The following GAN variants were observed in gnomAD, a reference collection of about 807,000 sequenced individuals.
The protein encoded by GAN is epididymis secretory sperm binding protein.
Under a neutral mutation model 71.3 loss-of-function variants are expected in GAN, and 48 were observed. That is an observed-to-expected ratio of 0.67 (90% CI 0.53 to 0.86). GAN has a LOEUF of 0.86. GAN is among the 40% of genes least tolerant of loss of function. GAN has a pLI of 0.00. For synonymous variants in GAN, 386 were observed against 276.8 expected (o/e 1.39, Z -3.92); for missense variants, 928 against 770.1 (o/e 1.21, Z -2.43).
rs751149887 is a variant in GAN at position 81,362,563 on chromosome 16, G to A, written c.1038G>A (p.Lys346=). Residue 346 remains lysine (K), a synonymous_variant, in exon 6 of 11, where the codon AAG becomes AAA. Transcript: ENST00000648994. Reference sequence around the variant, plus strand: ...AGCAGACTCTTAGCTCAGGAGAAAAGTATGATCCAGATGCAAATACATGGA... The same window carrying A: ...AGCAGACTCTTAGCTCAGGAGAAAAATATGATCCAGATGCAAATACATGGA... The part of the protein sequence containing the change: ...ENKQTLSSGE[K]YDPDANTWTA... 9.3e-6 allele frequency: 15 copies of A among 1,609,672 alleles called. No individual in the cohort carries two copies. The highest frequency in any genetic ancestry group is 1.1e-5 in the South Asian group (1 of 90,992).
chr16:81,375,925 G>A (rs1597413057), intron 9 of GAN, among the ~76,000 whole-genome samples: 1 of 149,030 alleles, frequency 6.7e-6, no homozygotes, highest in South Asian at 2.1e-4. Flanking sequence ...AGCTGTGATT[G>A]CACCACTGCA....
At chr16:81,326,149 G>T (rs1909378634) in intron 1 of GAN, among the ~76,000 whole-genome samples, 1 of 152,164 alleles carries the variant, frequency 6.6e-6, no homozygotes, top group African/African-American at 2.4e-5. Context: ...TATGGAGTGG[G>T]TGATTTTAAA....
intron 1 of GAN, among the ~76,000 whole-genome samples, chr16:81,340,499 T>C (rs942079288): frequency 6.6e-6 from 1 of 152,152 alleles, no homozygotes; most frequent in African/African-American, 2.4e-5. Flanking sequence ...AAACAGGGTC[T>C]GGAATGGACC....
rs1904309906 is a variant in GAN, at chr16:81,382,368, A to T, written c.*4772A>T. 3.9e-5 allele frequency: 6 copies of T among 152,226 alleles called. No homozygotes were observed. The highest frequency in any genetic ancestry group is 3.9e-4 in the Admixed American group (6 of 15,286). The allele number at this position is 152,226 out of a possible 1,614,324, so 9.4% of individuals were successfully genotyped here. Reference sequence around the variant, plus strand: ...CCCAAACATGTCCTTTGCTAGTTGCACAGGCATAAGCTGAAAGATCTTTGA... The same window carrying T: ...CCCAAACATGTCCTTTGCTAGTTGCTCAGGCATAAGCTGAAAGATCTTTGA... On this transcript the variant is annotated 3_prime_UTR_variant, in exon 11 of 11. Coordinates refer to ENST00000648994, the MANE Select transcript of GAN (RefSeq NM_022041.4).
At chr16:81,317,658 A>G (rs1254061336) in intron 1 of GAN, among the ~76,000 whole-genome samples, 2 of 152,360 alleles carry the variant, frequency 1.3e-5, no homozygotes, top group East Asian at 1.9e-4. Context: ...TGGTTGAACT[A>G]GGATTAGACT....
intron 1 of GAN, among the ~76,000 whole-genome samples, chr16:81,335,300 C>T (rs1435992094): frequency 2.0e-5 from 3 of 152,110 alleles, no homozygotes; most frequent in South Asian, 2.1e-4. Flanking sequence ...CTGAGAAGGT[C>T]GACTGGGGAA....
rs28438989 is a variant in GAN at position 81,336,872 on chromosome 16, C to A, written c.168-14711C>A. On this transcript the variant is annotated intron_variant, in intron 1 of 10. Coordinates refer to ENST00000648994, the MANE Select transcript of GAN (RefSeq NM_022041.4). ...CCCATCCCTACCCATGCACAGCCTC[C>A]CCCATTATCAGTATACCACACGAGG... Among the ~76,000 whole-genome samples the A allele has an allele frequency of 3.5e-3, 532 of 152,206 alleles. 1 individual carries two copies. The highest frequency in any genetic ancestry group is 0.012 in the African/African-American group (505 of 41,524).
chr16:81,336,669 G>A (rs1909773187), intron 1 of GAN, among the ~76,000 whole-genome samples: 1 of 150,956 alleles, frequency 6.6e-6, no homozygotes, highest in Non-Finnish European at 1.5e-5. Flanking sequence ...GTAGAGAGGA[G>A]GTCTCACTCT....
intron 1 of GAN, among the ~76,000 whole-genome samples, chr16:81,347,696 C>T (rs1280456827): frequency 6.6e-6 from 1 of 152,146 alleles, no homozygotes; most frequent in East Asian, 1.9e-4. Flanking sequence ...AATTTTCTTT[C>T]AGAATTTTAA....
rs755423556 is a variant in GAN at position 81,365,470 on chromosome 16, G to T, written c.1494G>T (p.Glu498Asp). 6.2e-7 allele frequency: 1 copy of T among 1,613,334 alleles called. No individual in the cohort carries two copies. Among genetic ancestry groups the T allele is most frequent in the Non-Finnish European group, 8.5e-7 (1 of 1,179,866 alleles). Residue 498 changes from glutamate (E) to aspartate (D), a missense_variant, in exon 9 of 11, where the codon GAG (glutamate) becomes GAT (aspartate). Transcript: ENST00000648994. Reference sequence around the variant, plus strand: ...GCAAGTCCGAGTTCTACCATGATGAGTTTAAAAGGTAACTAAGAATGGTTT... The same window carrying T: ...GCAAGTCCGAGTTCTACCATGATGATTTTAAAAGGTAACTAAGAATGGTTT... ...VTCKSEFYHD[E>D]FKRWIYLNDQ...
chr16:81,380,454 C>T lies in GAN; in HGVS notation c.*2858C>T, dbSNP rs1256768482. On this transcript the variant is annotated 3_prime_UTR_variant, in exon 11 of 11. Transcript: ENST00000648994. ...AGTTTGTTTCTTTGTTTAGCATATCCAAATTTAGATTTTTCAAAGATTTAA... is the reference window on the plus strand; with the variant it reads ...AGTTTGTTTCTTTGTTTAGCATATCTAAATTTAGATTTTTCAAAGATTTAA... 1 of 152,290 alleles carries T rather than the reference C, an allele frequency of 6.6e-6. No homozygotes were observed. The highest frequency in any genetic ancestry group is 1.5e-5 in the Non-Finnish European group (1 of 68,000). The allele number at this position is 152,290 out of a possible 1,614,324, so 9.4% of individuals were successfully genotyped here. A position where few individuals can be genotyped will look rare whatever the true frequency, so the allele number is the denominator to read the frequency against.
At position 81,315,053 on chromosome 16, in the gene GAN, C is replaced by G. The variant is rs534858577; in HGVS notation, c.-61C>G. The stretch of plus-strand genomic sequence containing the variant: ...GCGCGCGCGCAGGACTCGGGCCGCT[C>G]GAGGGGTCCGGCCGGACGGTGTCGG... On this transcript the variant is annotated 5_prime_UTR_variant, in exon 1 of 11. Coordinates refer to ENST00000648994, the MANE Select transcript of GAN (RefSeq NM_022041.4). The G allele has an allele frequency of 5.9e-6, 8 of 1,344,596 alleles. No homozygotes were observed. The highest frequency in any genetic ancestry group is 1.7e-5 in the South Asian group (1 of 59,324). 83.3% of individuals were successfully genotyped at this position (1,344,596 alleles called of 1,614,324 possible).
Position 81,356,984 on chromosome 16 carries a change from T to C in GAN, c.833T>C (p.Val278Ala), listed in dbSNP as rs1435481737. The change falls in exon 4 of 11, where the codon GTT (valine) becomes GCT (alanine). Residue 278 changes from valine to alanine, a missense_variant. Val to Ala is a moderately conservative substitution (Grantham distance 64). Coordinates refer to ENST00000648994, the MANE Select transcript of GAN (RefSeq NM_022041.4). ...PRGYSECIVT[V>A]GGEERVSRKP... ...GGCTACTCTGAGTGCATCGTGACTG[T>C]TGGTGGAGAAGAGAGAGTGTAAGTA... 2 of 1,606,936 alleles carry C rather than the reference T, an allele frequency of 1.2e-6. No homozygotes were observed. The highest frequency in any genetic ancestry group is 4.5e-5 in the East Asian group (2 of 44,878).
intron 1 of GAN, among the ~76,000 whole-genome samples, chr16:81,350,972 AT>A (rs1441088475): frequency 1.3e-5 from 2 of 152,256 alleles, no homozygotes; most frequent in Non-Finnish European, 2.9e-5. Context: ...CCAGTGTGAT[AT>A]GCACACCTCT....
rs543966298 is a variant in GAN at position 81,389,742 on chromosome 16, A to G, written c.*12146A>G. 2 of 152,262 alleles carry G rather than the reference A, an allele frequency of 1.3e-5. No homozygotes were observed. Among genetic ancestry groups the G allele is most frequent in the South Asian group, 4.1e-4 (2 of 4,820 alleles). The allele number at this position is 152,262 out of a possible 1,614,324, so 9.4% of individuals were successfully genotyped here. ...TTGTAAATTCGATTTGACCCTCCCA[A>G]ATTCAGGGCTGCTCTTTGCAGTGGT... On this transcript the variant is annotated 3_prime_UTR_variant, in exon 11 of 11. Transcript: ENST00000648994.
Position 81,315,028 on chromosome 16 carries a change from G to GCCCCCAGACCCTGTCCCCTGT in GAN, c.-85_-84insCCCCAGACCCTGTCCCCTGTC. On this transcript the variant is annotated 5_prime_UTR_variant, in exon 1 of 11. Coordinates refer to ENST00000648994, the MANE Select transcript of GAN (RefSeq NM_022041.4). ...GAGCGCGGAGAGCCGGGCCGGGCGG[G>GCCCCCAGACCCTGTCCCCTGT]CGCGCGCGCAGGACTCGGGCCGCTC... The GCCCCCAGACCCTGTCCCCTGT allele has an allele frequency of 8.6e-7, 1 of 1,156,582 alleles. No homozygotes were observed. The highest frequency in any genetic ancestry group is 1.1e-6 in the Non-Finnish European group (1 of 885,726). 71.6% of individuals were successfully genotyped at this position (1,156,582 alleles called of 1,614,324 possible).
chr16:81,324,074 C>G (rs1238928732), intron 1 of GAN, among the ~76,000 whole-genome samples: 2 of 152,170 alleles, frequency 1.3e-5, no homozygotes, highest in Non-Finnish European at 2.9e-5. Context: ...CTGTGTTTAT[C>G]AGAGTAGAAA....
intron 1 of GAN, among the ~76,000 whole-genome samples, chr16:81,318,897 C>T (rs1452776746): frequency 2.0e-5 from 3 of 152,200 alleles, no homozygotes; most frequent in Admixed American, 6.5e-5. Context: ...GGACCTCCTG[C>T]GGTCCCTCAG....
At chr16:81,344,696 A>G (rs1347311676) in intron 1 of GAN, among the ~76,000 whole-genome samples, 3 of 152,076 alleles carry the variant, frequency 2.0e-5, no homozygotes, top group African/African-American at 4.8e-5. Flanking sequence ...AGACAAAGGC[A>G]TGGGCAAAGA....
Sources: gnomAD v4.1 joint callset for allele counts (sites outside exome capture counted in the v4.1 genomes callset) on GRCh38, gnomAD v4.1.1 for gene constraint, MANE v1.5 for transcripts, NCBI Gene and HGNC (gene_info 2026-07-23, HGNC 2026-07-21) for gene names.